SULT4A1: variants seen among roughly 807,000 people sequenced by gnomAD.
The protein encoded by SULT4A1 is sulfotransferase family 4A member 1, also known as sulfotransferase 4A1.
In SULT4A1, 11 loss-of-function variants were observed where a neutral mutation model predicts 35.2. The observed-to-expected ratio is 0.31, with a 90% CI of 0.20 to 0.52. The LOEUF (loss-of-function observed/expected upper bound fraction) is 0.52, where lower values mean the gene tolerates loss of function less well. Among genes scored for constraint, SULT4A1 ranks in the 20% least tolerant of loss-of-function variants. The probability of loss-of-function intolerance (pLI) is 0.97; values close to 1 mark genes in which losing one functional copy is unlikely to be tolerated. For synonymous variants in SULT4A1, 152 were observed against 151.8 expected (o/e 1.00, Z -0.01); for missense variants, 271 against 383.7 (o/e 0.71, Z 2.45).
Position 43,859,344 on chromosome 22 carries a change from G to A in SULT4A1, c.169+2870C>T, listed in dbSNP as rs182082113. 2.6e-4 allele frequency among the ~76,000 whole-genome samples: 39 copies of A among 152,340 alleles called. 2 individuals are homozygous for A. Among genetic ancestry groups the A allele is most frequent in the Admixed American group, 6.5e-4 (10 of 15,302 alleles). On this transcript the variant is annotated intron_variant, in intron 1 of 6. Transcript: ENST00000330884. The stretch of plus-strand genomic sequence containing the variant: ...CCCACGCCCAGGCCCAGAAGCTTCC[G>A]TCTGCATCAGTGAGAATGCGCACAC...
At chr22:43,833,609 C>A (rs746482439) in intron 5 of SULT4A1, 31 bp downstream of exon 5, 1 of 1,565,130 alleles carries the variant, frequency 6.4e-7, no homozygotes, top group South Asian at 1.2e-5. Flanking sequence ...GGCCAGGGCA[C>A]CCGGAGGACA....
intron 1 of SULT4A1, among the ~76,000 whole-genome samples, chr22:43,842,897 T>TC (rs1285900835): frequency 6.6e-6 from 1 of 151,744 alleles, no homozygotes; most frequent in Non-Finnish European, 1.5e-5. Flanking sequence ...TGGCTCATTA[T>TC]CCCCCCAGCC....
At chr22:43,833,129 C>A (rs936926816) in intron 5 of SULT4A1, among the ~76,000 whole-genome samples, 1 of 152,090 alleles carries the variant, frequency 6.6e-6, no homozygotes, top group African/African-American at 2.4e-5. Flanking sequence ...CACCAGAAGC[C>A]CCTCTGCCTA....
In SULT4A1 at chr22:43,862,509, G is replaced by A; in HGVS notation, c.-127C>T. On this transcript the variant is annotated 5_prime_UTR_variant, in exon 1 of 7. The change creates a new upstream start codon in the 5' untranslated region. Transcript: ENST00000330884. ...GGCGCGCGGCGGCAGCTCCGCAGGC[G>A]TGACGTCATGGCGCCGCCGACGCGC... is the stretch of plus-strand genomic sequence containing the variant. 1 of 869,840 alleles carries A rather than the reference G, an allele frequency of 1.1e-6. No homozygotes were observed. Among genetic ancestry groups the A allele is most frequent in the Non-Finnish European group, 1.4e-6 (1 of 727,456 alleles). The allele number at this position is 869,840 out of a possible 1,614,324, so 53.9% of individuals were successfully genotyped here.
chr22:43,852,354 T>G (rs1345997740), intron 1 of SULT4A1, among the ~76,000 whole-genome samples: 1 of 151,458 alleles, frequency 6.6e-6, no homozygotes, highest in Non-Finnish European at 1.5e-5. Flanking sequence ...TGTTGTTTTT[T>G]TTTTGTAGAG....
intron 4 of SULT4A1, among the ~76,000 whole-genome samples, chr22:43,835,744 C>A (rs894620896): frequency 5.3e-5 from 8 of 152,192 alleles, no homozygotes; most frequent in Admixed American, 1.3e-4. Flanking sequence ...TCCAAGGAAG[C>A]ATGTAGCAAG....
Position 43,862,257 on chromosome 22 carries a change from C to T in SULT4A1, c.126G>A (p.Pro42=), listed in dbSNP as rs1246938188. 1.9e-6 allele frequency: 3 copies of T among 1,569,712 alleles called. No individual in the cohort carries two copies. Among genetic ancestry groups the T allele is most frequent in the Non-Finnish European group, 2.6e-6 (3 of 1,157,362 alleles). Residue 42 remains proline, a synonymous_variant, in exon 1 of 7, where the codon CCG becomes CCA. Coordinates refer to ENST00000330884, the MANE Select transcript of SULT4A1 (RefSeq NM_014351.4). ...RGKMEEIANF[P]VRPSDVWIVT... is the part of the protein sequence containing the mutation. ...CGATCCACACGTCGCTGGGCCGCAC[C>T]GGGAAGTTGGCGATCTCCTCCATCT...
At chr22:43,827,529 G>A (rs1226211590) in intron 6 of SULT4A1, 7 of 1,355,670 alleles carry the variant, frequency 5.2e-6, no homozygotes, top group Non-Finnish European at 6.9e-6. Flanking sequence ...TTAGGATTTG[G>A]AATCAAGACA....
At chr22:43,858,157 A>C (rs929298992) in intron 1 of SULT4A1, among the ~76,000 whole-genome samples, 3 of 152,150 alleles carry the variant, frequency 2.0e-5, no homozygotes, top group Non-Finnish European at 4.4e-5. Context: ...TGGGAGGCCA[A>C]GGCAAAAGAA....
chr22:43,837,109 C>T (rs1325100522), intron 4 of SULT4A1, among the ~76,000 whole-genome samples: 1 of 152,234 alleles, frequency 6.6e-6, no homozygotes, highest in Non-Finnish European at 1.5e-5. Context: ...GGTTCCCGTG[C>T]ATATTAGTTT....
intron 6 of SULT4A1, chr22:43,827,112 T>C (rs1410259703): frequency 4.1e-6 from 4 of 985,366 alleles, no homozygotes; most frequent in Admixed American, 6.1e-5. Context: ...TTCCCAGTTA[T>C]GGGAGCTGTG....
chr22:43,861,823 G>A (rs1480323977), intron 1 of SULT4A1, among the ~76,000 whole-genome samples: 1 of 152,256 alleles, frequency 6.6e-6, no homozygotes, highest in African/African-American at 2.4e-5. Context: ...ACTCATCAAA[G>A]GTTGGGCAGG....
intron 1 of SULT4A1, among the ~76,000 whole-genome samples, chr22:43,849,216 T>C (rs892860594): frequency 1.3e-5 from 2 of 152,066 alleles, no homozygotes; most frequent in African/African-American, 4.8e-5. Context: ...TGGAAACCAC[T>C]AGGACCCTGT....
In SULT4A1 at chr22:43,858,583, C is replaced by T. The variant is rs539428084; in HGVS notation, c.169+3631G>A. On this transcript the variant is annotated intron_variant, in intron 1 of 6. Transcript: ENST00000330884. ...CAGGCCTCTGCATTCCCTCATAGGA[C>T]GCAGGTAACTCACCACACTGCTGTG... Among the ~76,000 whole-genome samples the T allele has an allele frequency of 1.9e-4, 29 of 152,304 alleles. No homozygotes were observed. In the East Asian group the frequency reaches 5.0e-3, roughly 26 times the overall value.
chr22:43,838,440 G>C (rs889432426), intron 4 of SULT4A1, among the ~76,000 whole-genome samples: 3 of 152,226 alleles, frequency 2.0e-5, no homozygotes, highest in African/African-American at 7.2e-5. Context: ...TAGCTTGCCT[G>C]TGCCTGAGGT....
chr22:43,849,702 G>T (rs1051675975), intron 1 of SULT4A1, among the ~76,000 whole-genome samples: 2 of 152,112 alleles, frequency 1.3e-5, no homozygotes, highest in Non-Finnish European at 1.5e-5. Flanking sequence ...TCTTCAATTC[G>T]TTCATGCAGC....
chr22:43,859,063 G>C (rs1569505407), intron 1 of SULT4A1, among the ~76,000 whole-genome samples: 1 of 152,042 alleles, frequency 6.6e-6, no homozygotes, highest in Non-Finnish European at 1.5e-5. Context: ...GTCACTGCAA[G>C]TGCCACAAGG....
intron 1 of SULT4A1, among the ~76,000 whole-genome samples, chr22:43,848,242 G>C (rs2063488792): frequency 6.6e-6 from 1 of 152,210 alleles, no homozygotes; most frequent in Non-Finnish European, 1.5e-5. Flanking sequence ...TGGGGTCAAA[G>C]GAGATGACAC....
intron 1 of SULT4A1, among the ~76,000 whole-genome samples, chr22:43,850,816 G>A (rs1415042766): frequency 6.6e-6 from 1 of 152,112 alleles, no homozygotes; most frequent in Non-Finnish European, 1.5e-5. Flanking sequence ...AGCCCAGGCT[G>A]GAGATCGCTT....
Sources: gnomAD v4.1 joint callset for allele counts (sites outside exome capture counted in the v4.1 genomes callset) on GRCh38, gnomAD v4.1.1 for gene constraint, MANE v1.5 for transcripts, NCBI Gene and HGNC (gene_info 2026-07-23, HGNC 2026-07-21) for gene names.